The following ARMH3 variants were observed in gnomAD, a reference collection of about 807,000 sequenced individuals.
ARMH3 encodes armadillo like helical domain containing 3, also known as armadillo-like helical domain-containing protein 3.
ARMH3 carries 60 observed loss-of-function variants against 99.1 expected under a neutral mutation model. That is an observed-to-expected ratio of 0.61 (90% CI 0.49 to 0.75). ARMH3 has a LOEUF of 0.75. Among genes scored for constraint, ARMH3 ranks in the 30% least tolerant of loss-of-function variants. The probability of loss-of-function intolerance (pLI) is 0.00; values close to 1 mark genes in which losing one functional copy is unlikely to be tolerated. For missense variants in ARMH3, 679 were observed against 843.1 expected, an observed-to-expected ratio of 0.81 and a Z score of 2.41; for synonymous variants, 285 against 292.8, an observed-to-expected ratio of 0.97 and a Z score of 0.27.
chr10:101,852,361 T>A (rs1760019904), intron 24 of ARMH3, among the ~76,000 whole-genome samples: 1 of 152,240 alleles, frequency 6.6e-6, no homozygotes, highest in African/African-American at 2.4e-5. Flanking sequence ...AGTGATTTCT[T>A]CCTATCCCAA....
chr10:101,889,974 C>A (rs1358064302), intron 23 of ARMH3, among the ~76,000 whole-genome samples: 4 of 152,114 alleles, frequency 2.6e-5, no homozygotes, highest in African/African-American at 9.7e-5. Flanking sequence ...CCATTCAACC[C>A]AAAAGCTGAG....
At chr10:101,859,548 T>G (rs866581640) in intron 24 of ARMH3, among the ~76,000 whole-genome samples, 1 of 152,238 alleles carries the variant, frequency 6.6e-6, no homozygotes, top group South Asian at 2.1e-4. Flanking sequence ...ATATACAAGC[T>G]ATAGCTATGG....
chr10:102,003,970 G>A (rs954639123), intron 14 of ARMH3, among the ~76,000 whole-genome samples: 5 of 152,132 alleles, frequency 3.3e-5, no homozygotes, highest in Admixed American at 6.5e-5. Flanking sequence ...CTCAGAACCC[G>A]TAATCATCCC....
chr10:101,911,198 A>C (rs747627374), intron 23 of ARMH3, among the ~76,000 whole-genome samples: 1 of 151,842 alleles, frequency 6.6e-6, no homozygotes, highest in Non-Finnish European at 1.5e-5. Context: ...TCAGAAAATG[A>C]GTGTGTGAAC....
intron 1 of ARMH3, among the ~76,000 whole-genome samples, chr10:102,049,582 C>CTTT (rs528823071): frequency 1.5e-5 from 2 of 137,384 alleles, no homozygotes; most frequent in Non-Finnish European, 3.2e-5. Flanking sequence ...GGGCCTGCAA[C>CTTT]TTTTTTTTTT....
At chr10:102,036,134 G>A (rs564722033) in intron 2 of ARMH3, among the ~76,000 whole-genome samples, 6 of 147,460 alleles carry the variant, frequency 4.1e-5, no homozygotes, top group South Asian at 4.4e-4. Flanking sequence ...GCCCCCGCCC[G>A]GCCAGCCGCC....
At chr10:101,889,278 AC>A in intron 24 of ARMH3, 133 bp downstream of exon 24, 1 of 862,756 alleles carries the variant, frequency 1.2e-6, no homozygotes, top group Non-Finnish European at 2.0e-6. Context: ...CCAACCCCAC[AC>A]TAATTCCTCT....
At chr10:101,889,298 T>A in intron 24 of ARMH3, 114 bp downstream of exon 24, 1 of 1,006,268 alleles carries the variant, frequency 9.9e-7, no homozygotes, top group Admixed American at 1.7e-5. Context: ...CTCAGCAGCC[T>A]GGCCCTGGTC....
chr10:101,946,304 AC>A (rs1844530415), intron 22 of ARMH3, among the ~76,000 whole-genome samples: 1 of 152,152 alleles, frequency 6.6e-6, no homozygotes, highest in South Asian at 2.1e-4. Context: ...ATGGAAAGAT[AC>A]AAGTTCAGCA....
intron 1 of ARMH3, among the ~76,000 whole-genome samples, chr10:102,054,657 AC>A (rs1247164962): frequency 1.3e-5 from 2 of 152,206 alleles, no homozygotes; most frequent in African/African-American, 4.8e-5. Flanking sequence ...ACCCTAGTTT[AC>A]AAAGCAACTA....
intron 23 of ARMH3, chr10:101,913,050 A>T (rs1156681061): frequency 6.6e-6 from 1 of 152,316 alleles, no homozygotes; most frequent in East Asian, 1.9e-4. Context: ...GCACAATCAT[A>T]GCTCACTGCA....
intron 14 of ARMH3, among the ~76,000 whole-genome samples, chr10:102,003,761 C>G (rs1408065216): frequency 6.6e-6 from 1 of 152,152 alleles, no homozygotes; most frequent in Admixed American, 6.5e-5. Context: ...ATTTTATGAA[C>G]CCATAATAAA....
intron 9 of ARMH3, 29 bp from the exon 10 acceptor site, chr10:102,012,905 A>G (rs1318415810): frequency 6.3e-7 from 1 of 1,578,584 alleles, no homozygotes; most frequent in Non-Finnish European, 8.7e-7. Context: ...CACAGGTGAA[A>G]TAAGACAGTA....
Position 101,846,654 on chromosome 10 carries a change from T to C in ARMH3, c.*874A>G, listed in dbSNP as rs943475428. The C allele has an allele frequency of 2.6e-5, 4 of 152,138 alleles. No individual in the cohort carries two copies. Among genetic ancestry groups the C allele is most frequent in the Admixed American group, 6.5e-5 (1 of 15,282 alleles). The allele number at this position is 152,138 out of a possible 1,614,324, so 9.4% of individuals were successfully genotyped here. A position where few individuals can be genotyped will look rare whatever the true frequency, so the allele number is the denominator to read the frequency against. ...TCTCCAGTTTTCCCAGAGAAGTCAA[T>C]TCTGAATTCAGAAAATAGGAAAACT... On this transcript the variant is annotated 3_prime_UTR_variant, in exon 26 of 26. Coordinates refer to ENST00000370033, the MANE Select transcript of ARMH3 (RefSeq NM_024541.3).
In ARMH3 at chr10:101,932,930, T is replaced by C. The variant is rs183606091; in HGVS notation, c.1781+6933A>G. On this transcript the variant is annotated intron_variant, in intron 23 of 25. Coordinates refer to ENST00000370033, the MANE Select transcript of ARMH3 (RefSeq NM_024541.3). ...GGCCAGGAGCGGTGGCTCACGCCTG[T>C]AATCCCAGCACTTTGGGAGACTGAG... 1.7e-3 allele frequency among the ~76,000 whole-genome samples: 252 copies of C among 152,316 alleles called. 1 individual carries two copies. Among genetic ancestry groups the C allele is most frequent in the African/African-American group, 5.6e-3 (233 of 41,566 alleles).
chr10:101,923,110 C>A (rs1843367500), intron 23 of ARMH3, among the ~76,000 whole-genome samples: 1 of 152,146 alleles, frequency 6.6e-6, no homozygotes, highest in South Asian at 2.1e-4. Context: ...TGCACAATAT[C>A]TGGACTCCAG....
chr10:102,055,969 C>G (rs968910242), intron 1 of ARMH3, 116 bp downstream of exon 1: 3 of 152,590 alleles, frequency 2.0e-5, no homozygotes, highest in Non-Finnish European at 2.9e-5. Flanking sequence ...TCGTCGTCCC[C>G]GCGGCCAGCG....
chr10:102,015,440 G>T (rs1452183483), intron 8 of ARMH3, among the ~76,000 whole-genome samples: 6 of 151,362 alleles, frequency 4.0e-5, no homozygotes, highest in African/African-American at 1.5e-4. Flanking sequence ...GCCCAGGCTG[G>T]AGTGCAATGG....
At chr10:101,975,178 GA>G (rs1845940264) in intron 20 of ARMH3, 33 bp downstream of exon 20, 2 of 1,570,370 alleles carry the variant, frequency 1.3e-6, no homozygotes, top group Non-Finnish European at 1.7e-6. Context: ...AAAAGGTATA[GA>G]AAAAGGAAGA....
Sources: gnomAD v4.1 joint callset for allele counts (sites outside exome capture counted in the v4.1 genomes callset) on GRCh38, gnomAD v4.1.1 for gene constraint, MANE v1.5 for transcripts, NCBI Gene and HGNC (gene_info 2026-07-23, HGNC 2026-07-21) for gene names.